Variants in ATP6V0A2 observed in about 807,000 individuals in gnomAD.
ATP6V0A2 encodes the protein V-type proton ATPase 116 kDa subunit a 2.
ATP6V0A2 carries 58 observed loss-of-function variants against 104.4 expected under a neutral mutation model. That is an observed-to-expected ratio of 0.56 (90% CI 0.45 to 0.69). ATP6V0A2 has a LOEUF of 0.69. Ranked by LOEUF, ATP6V0A2 falls within the 30% of genes least tolerant of loss-of-function variation. The probability of loss-of-function intolerance (pLI) is 0.00; values close to 1 mark genes in which losing one functional copy is unlikely to be tolerated. For missense variants in ATP6V0A2, 938 were observed against 1,062.9 expected (o/e 0.88, Z 1.63); for synonymous variants, 376 against 397.9 (o/e 0.95, Z 0.65).
At chr12:123,722,821 A>G (rs749893348) in intron 3 of ATP6V0A2, among the ~76,000 whole-genome samples, 7 of 151,980 alleles carry the variant, frequency 4.6e-5, no homozygotes, top group Non-Finnish European at 1.0e-4. Context: ...CTTCTTGTGC[A>G]AGGAATTGAG....
intron 14 of ATP6V0A2, among the ~76,000 whole-genome samples, chr12:123,748,130 T>TG (rs1208408316): frequency 6.6e-6 from 1 of 152,216 alleles, no homozygotes; most frequent in Non-Finnish European, 1.5e-5. Flanking sequence ...AGCTAGTATA[T>TG]GAAGAGTAAG....
intron 9 of ATP6V0A2, among the ~76,000 whole-genome samples, chr12:123,740,618 A>G (rs115118771): frequency 0.014 from 2,125 of 152,060 alleles, 37 homozygotes; most frequent in African/African-American, 0.048. Flanking sequence ...AGTTTTTGGT[A>G]TTTGCTCTAC....
intron 1 of ATP6V0A2, among the ~76,000 whole-genome samples, chr12:123,712,966 A>C (rs1024057430): frequency 6.6e-6 from 1 of 152,154 alleles, no homozygotes; most frequent in Non-Finnish European, 1.5e-5. Context: ...CAGCGGGAGA[A>C]CAAATCCCAC....
intron 17 of ATP6V0A2, 101 bp downstream of exon 17, chr12:123,752,503 A>G (rs979981338): frequency 4.1e-6 from 6 of 1,461,142 alleles, no homozygotes; most frequent in Non-Finnish European, 5.7e-6. Flanking sequence ...AAAAATGGTT[A>G]AGAAAATGGG....
In ATP6V0A2 at chr12:123,735,483, G is replaced by T. The variant is rs1367483314; in HGVS notation, c.732-48G>T. On this transcript the variant is annotated intron_variant, in intron 7 of 19. Transcript: ENST00000330342. ...TGTGCCGGGGAGGTGAACGTGTTTA[G>T]TTCTAGTGCTGACAGATGTGAGACT... The T allele has an allele frequency of 1.9e-6, 3 of 1,554,348 alleles. No homozygotes were observed. The African/African-American group carries it at 4.1e-5, about 21-fold the overall frequency.
chr12:123,756,799 C>T lies in ATP6V0A2; in HGVS notation c.2294-16C>T, dbSNP rs761840597. 6.2e-7 allele frequency: 1 copy of T among 1,613,318 alleles called. No homozygotes were observed. Among genetic ancestry groups the T allele is most frequent in the African/African-American group, 1.3e-5 (1 of 75,048 alleles). ...CATAAGCGAGCATGACCTGTGCAGGCTGCACTCCTTTGCAGAGTTGTCTGA... is the reference window on the plus strand; with the variant it reads ...CATAAGCGAGCATGACCTGTGCAGGTTGCACTCCTTTGCAGAGTTGTCTGA... On this transcript the variant is annotated splice_polypyrimidine_tract_variant and intron_variant, in intron 18 of 19. Transcript: ENST00000330342.
At position 123,744,907 on chromosome 12, in the gene ATP6V0A2, A is replaced by G. The variant is rs1200738744; in HGVS notation, c.1540A>G (p.Ile514Val). The part of the protein sequence containing the change: ...WNDSVVRHNS[I>V]LQLDPSIPGV... ...TGACAGCGTCGTTAGACACAACAGC[A>G]TTTTGCAGCTGGATCCAAGCATTCC... is the stretch of plus-strand genomic sequence containing the variant. Residue 514 changes from isoleucine (I) to valine (V), a missense_variant, in exon 13 of 20, where the codon ATT (isoleucine) becomes GTT (valine). Coordinates refer to ENST00000330342, the MANE Select transcript of ATP6V0A2 (RefSeq NM_012463.4). The surrounding 1 kb of genome is among the most constrained non-coding windows in gnomAD (Gnocchi z 5.4). 1 of 1,614,110 alleles carries G rather than the reference A, an allele frequency of 6.2e-7. No individual in the cohort carries two copies. The highest frequency in any genetic ancestry group is 8.5e-7 in the Non-Finnish European group (1 of 1,180,014).
At chr12:123,716,832 A>G (rs1247337994) in intron 1 of ATP6V0A2, among the ~76,000 whole-genome samples, 2 of 150,580 alleles carry the variant, frequency 1.3e-5, no homozygotes, top group African/African-American at 2.4e-5. Context: ...ATCCATTGCC[A>G]CAATTGTTTT....
rs530290089 is a variant in ATP6V0A2 at position 123,728,084 on chromosome 12, T to C, written c.648+175T>C. On this transcript the variant is annotated intron_variant, in intron 6 of 19. Coordinates refer to ENST00000330342, the MANE Select transcript of ATP6V0A2 (RefSeq NM_012463.4). ...TCCTGAAATCAGGGACATTGTCTTA[T>C]ATTGCCATCACATGACCATCAGTCA... Among the ~76,000 whole-genome samples the C allele has an allele frequency of 3.8e-4, 58 of 152,376 alleles. 1 individual carries two copies. Among genetic ancestry groups the C allele is most frequent in the African/African-American group, 1.3e-3 (55 of 41,592 alleles).
chr12:123,743,935 G>C lies in ATP6V0A2; in HGVS notation c.1189G>C (p.Ala397Pro), dbSNP rs372852652. 6.2e-7 allele frequency: 1 copy of C among 1,614,152 alleles called. No individual in the cohort carries two copies. Among genetic ancestry groups the C allele is most frequent in the Non-Finnish European group, 8.5e-7 (1 of 1,180,024 alleles). ...GVGSYREVNP[A>P]LFTIITFPFL... The stretch of plus-strand genomic sequence containing the variant: ...CGGAAGCTACAGAGAAGTCAATCCA[G>C]GTTGGAAGTCTGATTTGTAAATACC... The change falls in exon 10 of 20, where the codon GCT (alanine) becomes CCT (proline). Residue 397 changes from alanine (A) to proline (P), a missense_variant and splice_region_variant. Physicochemically the swap from Ala to Pro is conservative, Grantham distance 27 (BLOSUM62 -1). Transcript: ENST00000330342.
At chr12:123,740,422 G>T (rs1170569866) in intron 9 of ATP6V0A2, among the ~76,000 whole-genome samples, 7 of 152,098 alleles carry the variant, frequency 4.6e-5, no homozygotes, top group Admixed American at 3.3e-4. Context: ...TGTTGGCCAG[G>T]CTGGTCTGGA....
At position 123,737,252 on chromosome 12, in the gene ATP6V0A2, G is replaced by A. The variant is rs188879714; in HGVS notation, c.1019G>A (p.Arg340Gln). Residue 340 changes from arginine (R) to glutamine (Q), a missense_variant, in exon 9 of 20, where the codon CGG (arginine) becomes CAG (glutamine). Physicochemically the swap from Arg to Gln is conservative, Grantham distance 43. Transcript: ENST00000330342. ...GAGGCGGATCTGCAGGACCTGCGCC[G>A]GGCACTGGAGGAGGGCTCGGTAAGG... The part of the protein sequence containing the change: ...CPEADLQDLR[R>Q]ALEEGSRESG... The A allele has an allele frequency of 9.9e-6, 16 of 1,614,114 alleles. No homozygotes were observed. The highest frequency in any genetic ancestry group is 5.5e-5 in the South Asian group (5 of 91,068).
intron 13 of ATP6V0A2, among the ~76,000 whole-genome samples, chr12:123,745,756 C>T (rs1481375932): frequency 6.6e-6 from 1 of 151,410 alleles, no homozygotes; most frequent in African/African-American, 2.4e-5. Context: ...GGTGCCAGGA[C>T]CCCCAACCCC....
At chr12:123,755,326 T>A (rs1386561045) in intron 18 of ATP6V0A2, among the ~76,000 whole-genome samples, 2 of 151,824 alleles carry the variant, frequency 1.3e-5, no homozygotes, top group Non-Finnish European at 2.9e-5. Flanking sequence ...TCACCTGAGG[T>A]CAGGAGTTTG....
intron 2 of ATP6V0A2, 96 bp from the exon 3 acceptor site, chr12:123,722,255 T>C: frequency 1.1e-6 from 1 of 904,258 alleles, no homozygotes; most frequent in Non-Finnish European, 1.8e-6. Flanking sequence ...CATTGATTTT[T>C]AGATGGCTTG....
At chr12:123,750,233 C>T (rs1281748674) in intron 15 of ATP6V0A2, 1 of 152,178 alleles carries the variant, frequency 6.6e-6, no homozygotes, top group Admixed American at 6.5e-5. Context: ...ACAACAGCCC[C>T]AGGAGGTAGG....
At chr12:123,745,616 G>A (rs569319392) in intron 13 of ATP6V0A2, among the ~76,000 whole-genome samples, 1 of 151,920 alleles carries the variant, frequency 6.6e-6, no homozygotes, top group South Asian at 2.1e-4. Flanking sequence ...TGAGGCAGGA[G>A]AATGGCGTGA....
chr12:123,750,133 C>G (rs1432423314), intron 15 of ATP6V0A2: 2 of 152,176 alleles, frequency 1.3e-5, no homozygotes, highest in African/African-American at 4.8e-5. Context: ...GTGCTATGGA[C>G]AGAAAGATCA....
chr12:123,733,678 T>C lies in ATP6V0A2; in HGVS notation c.649-248T>C. On this transcript the variant is annotated intron_variant, in intron 6 of 19. Coordinates refer to ENST00000330342, the MANE Select transcript of ATP6V0A2 (RefSeq NM_012463.4). ...GGGAGAGCGTCACCTTGTTGGACTT[T>C]ACCTGGGAACGCGGGTGTCGGGTGC... 5 of 512,242 alleles carry C rather than the reference T, an allele frequency of 9.8e-6. 1 individual carries two copies. The South Asian group carries it at 1.1e-4, about 11-fold the overall frequency. The allele number at this position is 512,242 out of a possible 1,614,324, so 31.7% of individuals were successfully genotyped here.
Sources: gnomAD v4.1 joint callset for allele counts (sites outside exome capture counted in the v4.1 genomes callset) on GRCh38, gnomAD v4.1.1 for gene constraint, Gnocchi (gnomAD v3.1) non-coding constraint, MANE v1.5 for transcripts, NCBI Gene and HGNC (gene_info 2026-07-23, HGNC 2026-07-21) for gene names.